The following CD44 variants were observed in gnomAD, a reference collection of about 807,000 sequenced individuals.
CD44 encodes the protein CD44 molecule (IN blood group), also known as CD44 antigen.
A neutral mutation model predicts 88.8 loss-of-function variants in CD44; 49 were observed. That is an observed-to-expected ratio of 0.55 (90% CI 0.44 to 0.70). The LOEUF (loss-of-function observed/expected upper bound fraction) is 0.70. CD44 is among the 30% of genes least tolerant of loss of function. The pLI, the probability that CD44 is intolerant of heterozygous loss-of-function variation, is 0.00. For synonymous variants in CD44, 325 were observed against 312.3 expected (o/e 1.04, Z -0.43); for missense variants, 883 against 913.8 (o/e 0.97, Z 0.43).
Position 35,206,216 on chromosome 11 carries a change from C to T in CD44, c.1387C>T (p.Arg463Ter), listed in dbSNP as rs749270293. 5.0e-6 allele frequency: 8 copies of T among 1,610,140 alleles called. No individual in the cohort carries two copies. Among genetic ancestry groups the T allele is most frequent in the South Asian group, 1.1e-5 (1 of 90,500 alleles). ...CAACCCAATCTCACACCCCATGGGA[C>T]GAGGTCATCAAGCAGGAAGAAGGAT... The part of the protein sequence containing the change: ...FFNPISHPMG[R>*]GHQAGRRMDM... The change falls in exon 11 of 18, where the codon CGA (arginine) becomes TGA (stop). Residue 463 changes from arginine (R) to a stop codon, truncating the protein, a stop_gained. Coordinates refer to ENST00000428726, the MANE Select transcript of CD44 (RefSeq NM_000610.4). LOFTEE classifies it high-confidence loss of function.
chr11:35,171,128 T>C (rs1943832726), intron 1 of CD44, among the ~76,000 whole-genome samples: 1 of 152,244 alleles, frequency 6.6e-6, no homozygotes, highest in Admixed American at 6.5e-5. Context: ...CTGTTGGCAT[T>C]ATTAATATCC....
chr11:35,179,929 A>G (rs1200218731), intron 2 of CD44, among the ~76,000 whole-genome samples: 1 of 152,176 alleles, frequency 6.6e-6, no homozygotes, highest in East Asian at 1.9e-4. Flanking sequence ...TCTTACATCA[A>G]AACTTCTCTC....
intron 14 of CD44, among the ~76,000 whole-genome samples, chr11:35,212,081 A>T (rs1360065578): frequency 6.6e-6 from 1 of 152,144 alleles, no homozygotes; most frequent in Non-Finnish European, 1.5e-5. Flanking sequence ...AAGATAATTT[A>T]TTCAATGAAG....
intron 1 of CD44, among the ~76,000 whole-genome samples, chr11:35,156,868 C>T (rs950780725): frequency 6.6e-6 from 1 of 152,102 alleles, no homozygotes; most frequent in Admixed American, 6.5e-5. Context: ...CCTGTCTCTA[C>T]AAAAATATAT....
chr11:35,167,389 C>T (rs1205120472), intron 1 of CD44, among the ~76,000 whole-genome samples: 4 of 152,058 alleles, frequency 2.6e-5, no homozygotes, highest in African/African-American at 9.7e-5. Context: ...AGAAGCTTCC[C>T]ATTGTGCCTC....
chr11:35,180,870 T>A (rs1944919815), intron 3 of CD44, among the ~76,000 whole-genome samples: 1 of 152,150 alleles, frequency 6.6e-6, no homozygotes, highest in Non-Finnish European at 1.5e-5. Flanking sequence ...CTGAAAGTGA[T>A]AAAAGTGCTA....
intron 14 of CD44, chr11:35,214,005 A>C (rs1424436377): frequency 1.3e-5 from 2 of 152,112 alleles, no homozygotes; most frequent in African/African-American, 4.8e-5. Context: ...ATTAAAAAAA[A>C]AAAAAGATTC....
Position 35,221,648 on chromosome 11 carries a change from T to C in CD44, c.1946-6T>C, listed in dbSNP as rs773807301. 2.5e-6 allele frequency: 4 copies of C among 1,612,924 alleles called. No homozygotes were observed. In the African/African-American group the frequency reaches 4.0e-5, roughly 16 times the overall value. ...TCACGCATGTCATTTAATTTACTCA[T>C]ACCAGAATGGCTGATCATCTTGGCA... On this transcript the variant is annotated splice_polypyrimidine_tract_variant and splice_region_variant and intron_variant, in intron 16 of 17. Transcript: ENST00000428726.
chr11:35,193,798 A>T (rs1946489267), intron 5 of CD44, among the ~76,000 whole-genome samples: 1 of 152,220 alleles, frequency 6.6e-6, no homozygotes. Context: ...AGTTTTTGGT[A>T]GAAACACATA....
Position 35,204,480 on chromosome 11 carries a change from A to C in CD44, c.1154-32A>C, listed in dbSNP as rs756829376. Reference sequence around the variant, plus strand: ...CAGCTATTGGTGAGGAAAATAGACAATTATGTCTCCCAACTGATATTCTTC... The same window carrying C: ...CAGCTATTGGTGAGGAAAATAGACACTTATGTCTCCCAACTGATATTCTTC... On this transcript the variant is annotated intron_variant, in intron 9 of 17. Coordinates refer to ENST00000428726, the MANE Select transcript of CD44 (RefSeq NM_000610.4). 3 of 1,609,394 alleles carry C rather than the reference A, an allele frequency of 1.9e-6. No homozygotes were observed. In the South Asian group the frequency reaches 3.3e-5, roughly 18 times the overall value.
chr11:35,218,886 G>A (rs139305042), intron 15 of CD44: 1,786 of 170,752 alleles, frequency 0.01, 23 homozygotes, highest in Non-Finnish European at 0.015. Flanking sequence ...TACCAATACC[G>A]TGTATTTCTT....
intron 1 of CD44, among the ~76,000 whole-genome samples, chr11:35,153,144 G>A (rs1941398072): frequency 6.6e-6 from 1 of 152,184 alleles, no homozygotes; most frequent in Non-Finnish European, 1.5e-5. Context: ...ACTAATTGGT[G>A]GCAAAACCGT....
chr11:35,211,948 G>A (rs1307043154), intron 14 of CD44, among the ~76,000 whole-genome samples: 2 of 151,860 alleles, frequency 1.3e-5, no homozygotes, highest in African/African-American at 4.8e-5. Context: ...AGATTGATCA[G>A]TTTTACTTTT....
chr11:35,215,239 G>A lies in CD44; in HGVS notation c.1873+325G>A, dbSNP rs1948732078. On this transcript the variant is annotated intron_variant, in intron 15 of 17. Coordinates refer to ENST00000428726, the MANE Select transcript of CD44 (RefSeq NM_000610.4). The stretch of plus-strand genomic sequence containing the variant: ...TCTGAAAGCCTCAGGAAGAATTCAA[G>A]CAGTGTCCCAATTTAACCTTGCACT... Among the ~76,000 whole-genome samples, 3 of 152,316 alleles carry A rather than the reference G, an allele frequency of 2.0e-5. No individual in the cohort carries two copies. In the South Asian group the frequency reaches 6.2e-4, roughly 32 times the overall value.
chr11:35,210,162 CTG>C (rs1948260298), intron 13 of CD44, 108 bp downstream of exon 13: 3 of 613,296 alleles, frequency 4.9e-6, no homozygotes, highest in Non-Finnish European at 8.3e-6. Context: ...TGCCGTTACA[CTG>C]TTACTTTTAA....
intron 14 of CD44, chr11:35,212,667 T>C (rs1477540710): frequency 2.0e-5 from 3 of 152,194 alleles, no homozygotes; most frequent in Non-Finnish European, 4.4e-5. Flanking sequence ...TCAGCAATAT[T>C]GGCAAGACAA....
At chr11:35,154,153 A>T (rs1280665252) in intron 1 of CD44, among the ~76,000 whole-genome samples, 1 of 152,208 alleles carries the variant, frequency 6.6e-6, no homozygotes, top group Non-Finnish European at 1.5e-5. Flanking sequence ...TTACTTAGGG[A>T]TCTTGAGTGT....
rs535578565 is a variant in CD44 at position 35,186,764 on chromosome 11, A to G, written c.368-68A>G. On this transcript the variant is annotated intron_variant, in intron 3 of 17. Coordinates refer to ENST00000428726, the MANE Select transcript of CD44 (RefSeq NM_000610.4). ...TAGTAAAACTCCATTCTAACTGACTAATAAAAATGAGGGTAGATTTTCCTC... is the reference window on the plus strand; with the variant it reads ...TAGTAAAACTCCATTCTAACTGACTGATAAAAATGAGGGTAGATTTTCCTC... The G allele has an allele frequency of 3.4e-6, 3 of 869,772 alleles. No homozygotes were observed. In the South Asian group the frequency reaches 4.0e-5, roughly 12 times the overall value. 53.9% of individuals were successfully genotyped at this position (869,772 alleles called of 1,614,324 possible). A position where few individuals can be genotyped will look rare whatever the true frequency, so the allele number is the denominator to read the frequency against.
At chr11:35,162,452 CA>C (rs1250712991) in intron 1 of CD44, among the ~76,000 whole-genome samples, 1 of 152,218 alleles carries the variant, frequency 6.6e-6, no homozygotes, top group Non-Finnish European at 1.5e-5. Context: ...TTGCATGGAT[CA>C]TGCTCCTTAA....
Sources: gnomAD v4.1 joint callset for allele counts (sites outside exome capture counted in the v4.1 genomes callset) on GRCh38, gnomAD v4.1.1 for gene constraint, MANE v1.5 for transcripts, NCBI Gene and HGNC (gene_info 2026-07-23, HGNC 2026-07-21) for gene names.